The following DPP6 variants were observed in gnomAD, a reference collection of about 807,000 sequenced individuals.
The protein encoded by DPP6 is dipeptidyl peptidase like 6, also known as A-type potassium channel modulatory protein DPP6.
DPP6 carries 69 observed loss-of-function variants against 122.6 expected under a neutral mutation model. The ratio of observed to expected loss-of-function variants is 0.56; its 90% confidence interval spans 0.46 to 0.69. DPP6 has a LOEUF of 0.69. DPP6 is among the 30% of genes least tolerant of loss of function. The pLI, the probability that DPP6 is intolerant of heterozygous loss-of-function variation, is 0.00. For synonymous variants in DPP6, 418 were observed against 433.1 expected (o/e 0.97, Z 0.43); for missense variants, 928 against 1,116.9 (o/e 0.83, Z 2.41).
chr7:154,572,548 A>C (rs1183051615), intron 5 of DPP6, among the ~76,000 whole-genome samples: 1 of 107,566 alleles, frequency 9.3e-6, no homozygotes, highest in African/African-American at 3.8e-5. Flanking sequence ...GTGGTGTCTC[A>C]CTCTGTTGCC....
chr7:153,787,368 C>A, the DPP6 span, among the ~76,000 whole-genome samples: 4 of 148,184 alleles, frequency 2.7e-5, no homozygotes, highest in Admixed American at 1.3e-4. Context: ...AATATCTAAA[C>A]CCTAACAGTC....
At chr7:154,406,583 A>G (rs1303767433) in intron 1 of DPP6, among the ~76,000 whole-genome samples, 1 of 152,198 alleles carries the variant, frequency 6.6e-6, no homozygotes, top group African/African-American at 2.4e-5. Flanking sequence ...TTGACATCCA[A>G]TGCTAACAGT....
chr7:154,625,083 C>A (rs1188592714), intron 5 of DPP6, among the ~76,000 whole-genome samples: 1 of 152,132 alleles, frequency 6.6e-6, no homozygotes, highest in African/African-American at 2.4e-5. Flanking sequence ...TAGGAGAAAA[C>A]AATGAGTCAG....
the DPP6 span, among the ~76,000 whole-genome samples, chr7:153,759,264 C>T: frequency 1.3e-5 from 2 of 151,340 alleles, no homozygotes; most frequent in Admixed American, 1.3e-4. Flanking sequence ...ATGTCTTTAT[C>T]AGCTATATAT....
chr7:154,404,712 A>G (rs142327858), intron 1 of DPP6, among the ~76,000 whole-genome samples: 5 of 152,360 alleles, frequency 3.3e-5, no homozygotes, highest in African/African-American at 1.2e-4. Flanking sequence ...ATTCGATAAA[A>G]TGGACTCCTC....
chr7:154,750,254 T>C (rs183658043), intron 8 of DPP6, among the ~76,000 whole-genome samples: 37 of 152,262 alleles, frequency 2.4e-4, no homozygotes, highest in African/African-American at 8.7e-4. Flanking sequence ...ACACCCTCGC[T>C]CTCCAGAAGA....
the DPP6 span, among the ~76,000 whole-genome samples, chr7:153,857,156 C>T: frequency 6.6e-6 from 1 of 152,102 alleles, no homozygotes; most frequent in Non-Finnish European, 1.5e-5. Context: ...TGTATCTTCA[C>T]AAGGCCACAT....
At chr7:154,103,866 G>A (rs1393283611) in intron 1 of DPP6, among the ~76,000 whole-genome samples, 2 of 152,152 alleles carry the variant, frequency 1.3e-5, no homozygotes, top group South Asian at 2.1e-4. Flanking sequence ...GTGGTTTGCC[G>A]GGGGCTCTCC....
chr7:154,838,809 G>C (rs914409446), intron 16 of DPP6: 5 of 152,262 alleles, frequency 3.3e-5, no homozygotes, highest in Non-Finnish European at 5.9e-5. Flanking sequence ...AGCACATCTG[G>C]TTGGCCGGTG....
rs960213761 is a variant in DPP6 at position 154,241,041 on chromosome 7, G to T, written c.243+187978G>T. 6.6e-6 allele frequency among the ~76,000 whole-genome samples: 1 copy of T among 152,152 alleles called. No homozygotes were observed. The highest frequency in any genetic ancestry group is 1.9e-4 in the East Asian group (1 of 5,194). ...GCCAGCTCATTCTCAGTCATTATGT[G>T]ATTTGTTGGAATATTGTGAAGTTCC... is the stretch of plus-strand genomic sequence containing the variant. On this transcript the variant is annotated intron_variant, in intron 1 of 25. Transcript: ENST00000377770. This position sits in a 1 kb window ranked among gnomAD's most constrained non-coding sequence, Gnocchi z 9.0.
intron 7 of DPP6, among the ~76,000 whole-genome samples, chr7:154,671,759 A>G (rs1018118258): frequency 1.3e-5 from 2 of 152,226 alleles, no homozygotes; most frequent in African/African-American, 4.8e-5. Context: ...ATAAGTGATT[A>G]TAGAAGTTAT....
intron 25 of DPP6, among the ~76,000 whole-genome samples, chr7:154,891,828 C>T (rs1284143458): frequency 6.6e-6 from 1 of 152,176 alleles, no homozygotes; most frequent in African/African-American, 2.4e-5. Flanking sequence ...TCAAGTGATC[C>T]TCCCGCCTCG....
chr7:154,181,475 G>C (rs1798078499), intron 1 of DPP6, among the ~76,000 whole-genome samples: 1 of 152,162 alleles, frequency 6.6e-6, no homozygotes, highest in Non-Finnish European at 1.5e-5. Flanking sequence ...TCTGTAGAGA[G>C]AGCCAACTGA....
At chr7:154,399,963 G>A (rs1345222813) in intron 1 of DPP6, among the ~76,000 whole-genome samples, 3 of 152,170 alleles carry the variant, frequency 2.0e-5, no homozygotes, top group Non-Finnish European at 4.4e-5. Flanking sequence ...GGTCAAACAG[G>A]CCGAGAAGTC....
rs927695680 is a variant in DPP6, at chr7:154,893,956, C to G, written c.*1476C>G. On this transcript the variant is annotated 3_prime_UTR_variant, in exon 26 of 26. Transcript: ENST00000377770. ...TGGCATCCCATCAGCAGAGGAGATG[C>G]GTCCCTGTTGCATTTTGGCGTTTGG... 6.6e-6 allele frequency: 1 copy of G among 152,252 alleles called. No individual in the cohort carries two copies. The highest frequency in any genetic ancestry group is 1.5e-5 in the Non-Finnish European group (1 of 68,058). 9.4% of individuals were successfully genotyped at this position (152,252 alleles called of 1,614,324 possible). A position where few individuals can be genotyped will look rare whatever the true frequency, so the allele number is the denominator to read the frequency against.
intron 8 of DPP6, among the ~76,000 whole-genome samples, chr7:154,749,673 GA>G (rs1843260770): frequency 1.1e-5 from 1 of 91,488 alleles, no homozygotes; most frequent in Non-Finnish European, 2.3e-5. Flanking sequence ...ACTGAGAGAG[GA>G]TGAGAGAGCA....
At chr7:154,228,453 A>G (rs945708595) in intron 1 of DPP6, among the ~76,000 whole-genome samples, 2 of 152,222 alleles carry the variant, frequency 1.3e-5, no homozygotes, top group Non-Finnish European at 2.9e-5. Context: ...TTTGTTTCAA[A>G]TAGGTCATTA....
At position 154,405,609 on chromosome 7, in the gene DPP6, C is replaced by T. The variant is rs188317997; in HGVS notation, c.244-40605C>T. ...ATTTCCCACTGGGGCTCTGGAGGCT[C>T]AGCTCCCCAGTGCAGTGGCTGAACA... On this transcript the variant is annotated intron_variant, in intron 1 of 25. Transcript: ENST00000377770. Among the ~76,000 whole-genome samples, 904 of 151,710 alleles carry T rather than the reference C, an allele frequency of 6.0e-3. 10 individuals are homozygous for T. Among genetic ancestry groups the T allele is most frequent in the African/African-American group, 0.02 (822 of 41,354 alleles).
At chr7:154,313,877 T>C (rs1290950959) in intron 1 of DPP6, among the ~76,000 whole-genome samples, 1 of 151,180 alleles carries the variant, frequency 6.6e-6, no homozygotes, top group Non-Finnish European at 1.5e-5. Context: ...GATGTTCATT[T>C]TGATGCAGTC....
Sources: gnomAD v4.1 joint callset for allele counts (sites outside exome capture counted in the v4.1 genomes callset) on GRCh38, gnomAD v4.1.1 for gene constraint, Gnocchi (gnomAD v3.1) non-coding constraint, MANE v1.5 for transcripts, NCBI Gene and HGNC (gene_info 2026-07-23, HGNC 2026-07-21) for gene names.